MAPK15: variants seen among roughly 807,000 people sequenced by gnomAD.
MAPK15 encodes mitogen-activated protein kinase 15.
Under a neutral mutation model 60.8 loss-of-function variants are expected in MAPK15, and 61 were observed. The observed-to-expected ratio is 1.00, with a 90% confidence interval of 0.82 to 1.24. MAPK15 has a LOEUF of 1.24. Among genes scored for constraint, MAPK15 ranks in the 50% most tolerant of loss-of-function variants. MAPK15 has a pLI of 0.00. For missense variants in MAPK15, 808 were observed against 741.1 expected, an observed-to-expected ratio of 1.09 and a Z score of -1.05; for synonymous variants, 356 against 319.9, an observed-to-expected ratio of 1.11 and a Z score of -1.21.
chr8:143,720,106 G>T lies in MAPK15; in HGVS notation c.722-124G>T. On this transcript the variant is annotated intron_variant, in intron 7 of 13. Coordinates refer to ENST00000338033, the MANE Select transcript of MAPK15 (RefSeq NM_139021.3). The surrounding 1 kb of genome is among the most constrained non-coding windows in gnomAD (Gnocchi z 4.6). ...GTGATGGGGTGTTTGAGCCCCGCCA[G>T]ACAGCAGAAACCCTGTAGAGAGGCT... The T allele has an allele frequency of 7.0e-7, 1 of 1,420,298 alleles. No homozygotes were observed. The highest frequency in any genetic ancestry group is 9.5e-7 in the Non-Finnish European group (1 of 1,052,390). The allele number at this position is 1,420,298 out of a possible 1,614,324, so 88.0% of individuals were successfully genotyped here.
At chr8:143,718,969 C>T (rs1817927094) in intron 5 of MAPK15, 24 bp from the exon 6 acceptor site, 1 of 1,600,900 alleles carries the variant, frequency 6.2e-7, no homozygotes, top group African/African-American at 1.3e-5. Context: ...AGCCCCGGGG[C>T]CTCAGCCTGC....
chr8:143,720,897 A>G lies in MAPK15; in HGVS notation c.917+57A>G. The G allele has an allele frequency of 6.3e-7, 1 of 1,590,772 alleles. No individual in the cohort carries two copies. The highest frequency in any genetic ancestry group is 1.1e-5 in the South Asian group (1 of 89,922). On this transcript the variant is annotated intron_variant, in intron 9 of 13. Coordinates refer to ENST00000338033, the MANE Select transcript of MAPK15 (RefSeq NM_139021.3). The surrounding 1 kb of genome is among the most constrained non-coding windows in gnomAD (Gnocchi z 4.6). The stretch of plus-strand genomic sequence containing the variant: ...GGGGACAGAGGTGGGGGCAGGAGAG[A>G]GCCAGCCCATGAGGGACAGCCCCCA...
chr8:143,718,026 C>T (rs375599746), intron 2 of MAPK15, 21 bp from the exon 3 acceptor site: 3 of 1,614,090 alleles, frequency 1.9e-6, no homozygotes, highest in Admixed American at 1.7e-5. Context: ...CACCCACACA[C>T]CTGTGTTTCT....
In MAPK15 at chr8:143,720,110, G is replaced by T; in HGVS notation, c.722-120G>T. 1 of 1,438,324 alleles carries T rather than the reference G, an allele frequency of 7.0e-7. No homozygotes were observed. Among genetic ancestry groups the T allele is most frequent in the Non-Finnish European group, 9.4e-7 (1 of 1,066,768 alleles). 89.1% of individuals were successfully genotyped at this position (1,438,324 alleles called of 1,614,324 possible). On this transcript the variant is annotated intron_variant, in intron 7 of 13. Transcript: ENST00000338033. This position sits in a 1 kb window ranked among gnomAD's most constrained non-coding sequence, Gnocchi z 4.6. ...TGGGGTGTTTGAGCCCCGCCAGACAGCAGAAACCCTGTAGAGAGGCTGTGC... is the reference window on the plus strand; with the variant it reads ...TGGGGTGTTTGAGCCCCGCCAGACATCAGAAACCCTGTAGAGAGGCTGTGC...
intron 1 of MAPK15, 96 bp downstream of exon 1, chr8:143,716,539 C>A: frequency 9.0e-7 from 1 of 1,114,372 alleles, no homozygotes; most frequent in Non-Finnish European, 1.2e-6. Flanking sequence ...GAGGCCTGTT[C>A]CGTCACACAC....
chr8:143,719,030 A>G lies in MAPK15; in HGVS notation c.455A>G (p.Lys152Arg). The G allele has an allele frequency of 3.1e-6, 5 of 1,604,652 alleles. 1 individual carries two copies. The African/African-American group carries it at 4.0e-5, about 13-fold the overall frequency. ...NVLLDANCTV[K>R]LCDFGLARSL... ...CTCCTGGATGCCAACTGCACAGTGA[A>G]GCTGTGTGACTTTGGCCTGGCCCGC... Residue 152 changes from lysine (K) to arginine (R), a missense_variant, in exon 6 of 14, where the codon AAG becomes AGG. Coordinates refer to ENST00000338033, the MANE Select transcript of MAPK15 (RefSeq NM_139021.3).
At chr8:143,717,311 G>A (rs1390103659) in intron 1 of MAPK15, among the ~76,000 whole-genome samples, 2 of 152,180 alleles carry the variant, frequency 1.3e-5, no homozygotes, top group South Asian at 2.1e-4. Context: ...AGAAGAGACC[G>A]TGGCAGGGGC....
intron 1 of MAPK15, 29 bp downstream of exon 1, chr8:143,716,472 C>T (rs1166421723): frequency 3.2e-6 from 5 of 1,586,156 alleles, no homozygotes; most frequent in Non-Finnish European, 4.3e-6. Flanking sequence ...GTCCGCGCGC[C>T]GAGGGGCGCG....
intron 4 of MAPK15, 52 bp from the exon 5 acceptor site, chr8:143,718,723 G>GGGGGGGC: frequency 3.5e-6 from 1 of 289,852 alleles, no homozygotes. Context: ...ACTCCCCCCA[G>GGGGGGGC]GTTGCCCCCC....
Position 143,717,725 on chromosome 8 carries a change from G to C in MAPK15, c.98G>C (p.Arg33Pro), listed in dbSNP as rs201487703. ...GGCATTGTGTGGAAGGCAGTGGACCGGAGGACTGGTGAGGTCGTGGCCATC... is the reference window on the plus strand; with the variant it reads ...GGCATTGTGTGGAAGGCAGTGGACCCGAGGACTGGTGAGGTCGTGGCCATC... ...AYGIVWKAVD[R>P]RTGEVVAIKK... Residue 33 changes from arginine (R) to proline (P), a missense_variant, in exon 2 of 14, where the codon CGG becomes CCG. Coordinates refer to ENST00000338033, the MANE Select transcript of MAPK15 (RefSeq NM_139021.3). 1.2e-6 allele frequency: 2 copies of C among 1,611,374 alleles called. No individual in the cohort carries two copies. The highest frequency in any genetic ancestry group is 2.7e-5 in the African/African-American group (2 of 74,892).
In MAPK15 at chr8:143,721,057, C is replaced by A. The variant is rs782666864; in HGVS notation, c.975C>A (p.His325Gln). The change falls in exon 10 of 14, where the codon CAC (histidine) becomes CAA (glutamine). Residue 325 changes from histidine (H) to glutamine (Q), a missense_variant. Physicochemically the swap from His to Gln is conservative, Grantham distance 24. Transcript: ENST00000338033. ...AREADVRPRA[H>Q]EGVQLSVPEY... is the part of the protein sequence containing the mutation. ...AGGCAGATGTGCGGCCCCGGGCACA[C>A]GAAGGGGTCCAGCTCTCTGTGCCTG... 9.9e-6 allele frequency: 16 copies of A among 1,612,106 alleles called. No individual in the cohort carries two copies. Among genetic ancestry groups the A allele is most frequent in the Admixed American group, 3.3e-5 (2 of 59,958 alleles).
Position 143,722,214 on chromosome 8 carries a change from T to C in MAPK15, c.1598T>C (p.Leu533Pro). ...QAYGTVCHSA[L>P]GHLPLLEGHH... The stretch of plus-strand genomic sequence containing the variant: ...TACGGGACTGTCTGCCACTCGGCAC[T>C]GGGCCACCTGCCCCTGCTGGAGGGG... Residue 533 changes from leucine (L) to proline (P), a missense_variant, in exon 14 of 14, where the codon CTG becomes CCG. Leu to Pro is a moderately conservative substitution (Grantham distance 98). Coordinates refer to ENST00000338033, the MANE Select transcript of MAPK15 (RefSeq NM_139021.3). The C allele has an allele frequency of 6.2e-7, 1 of 1,601,370 alleles. No homozygotes were observed. The highest frequency in any genetic ancestry group is 1.3e-5 in the African/African-American group (1 of 74,804).
chr8:143,722,246 G>A lies in MAPK15; in HGVS notation c.1630G>A (p.Val544Met). 1 of 1,579,408 alleles carries A rather than the reference G, an allele frequency of 6.3e-7. No homozygotes were observed. The highest frequency in any genetic ancestry group is 8.6e-7 in the Non-Finnish European group (1 of 1,162,842). ...CCTGCCCCTGCTGGAGGGGCACCATGTGTGAGCCGCCCTACTCCCTTCACC... is the reference window on the plus strand; with the variant it reads ...CCTGCCCCTGCTGGAGGGGCACCATATGTGAGCCGCCCTACTCCCTTCACC... ...GHLPLLEGHH[V>M] Residue 544 changes from valine to methionine, a missense_variant, in exon 14 of 14, where the codon GTG (valine) becomes ATG (methionine). By Grantham distance (21) the Val-to-Met change is conservative. Transcript: ENST00000338033.
chr8:143,720,960 T>G lies in MAPK15; in HGVS notation c.918-40T>G. ...TGCTGTGACGGCTTGAGGGGCTCCC[T>G]TGGCCGCAGCCCGGGCCCCACCTCC... On this transcript the variant is annotated intron_variant, in intron 9 of 13. Transcript: ENST00000338033. This position sits in a 1 kb window ranked among gnomAD's most constrained non-coding sequence, Gnocchi z 4.6. 1 of 1,585,238 alleles carries G rather than the reference T, an allele frequency of 6.3e-7. No individual in the cohort carries two copies. Among genetic ancestry groups the G allele is most frequent in the Non-Finnish European group, 8.6e-7 (1 of 1,165,670 alleles).
Position 143,718,284 on chromosome 8 carries a change from C to G in MAPK15, c.268C>G (p.Leu90Val). ...IRAENDRDIY[L>V]VFEFMDTDLN... ...GGCAGAGAACGACAGGGACATTTAC[C>G]TGGTGTTTGAGTTTATGGGTGAGTG... The change falls in exon 4 of 14, where the codon CTG becomes GTG. Residue 90 changes from leucine to valine, a missense_variant. Transcript: ENST00000338033. The G allele has an allele frequency of 6.2e-7, 1 of 1,614,042 alleles. No individual in the cohort carries two copies. The highest frequency in any genetic ancestry group is 8.5e-7 in the Non-Finnish European group (1 of 1,180,024).
Position 143,717,767 on chromosome 8 carries a change from CT to C in MAPK15, c.144del (p.Phe48LeufsTer32). On this transcript the variant is annotated frameshift_variant, in exon 2 of 14. Transcript: ENST00000338033. LOFTEE classifies it high-confidence loss of function. ...EVVAIKKIFD[A>X]FRDKTDAQRT... ...GTGGCCATCAAGAAAATCTTTGATG[CT>C]TTTAGGGATAAGACAGATGCCCAGG... 1 of 1,611,930 alleles carries C rather than the reference CT, an allele frequency of 6.2e-7. No homozygotes were observed. The highest frequency in any genetic ancestry group is 1.1e-5 in the South Asian group (1 of 90,466).
At chr8:143,717,650 A>G in intron 1 of MAPK15, 44 bp from the exon 2 acceptor site, 3 of 1,497,444 alleles carry the variant, frequency 2.0e-6, no homozygotes, top group Non-Finnish European at 2.7e-6. Flanking sequence ...TGGGCAGGGG[A>G]TGGGGGGAAG....
chr8:143,720,508 G>C lies in MAPK15; in HGVS notation c.780-195G>C. On this transcript the variant is annotated intron_variant, in intron 8 of 13. Transcript: ENST00000338033. The surrounding 1 kb of genome is among the most constrained non-coding windows in gnomAD (Gnocchi z 4.6). ...AGGAGCTGTGCCAGGGCGTGGAGAG[G>C]AGGGCACCAGGGGGCCGCAGGGGTC... 2.8e-6 allele frequency: 4 copies of C among 1,452,794 alleles called. No homozygotes were observed. Among genetic ancestry groups the C allele is most frequent in the Non-Finnish European group, 3.6e-6 (4 of 1,100,176 alleles). The allele number at this position is 1,452,794 out of a possible 1,614,324, so 90.0% of individuals were successfully genotyped here.
chr8:143,720,650 C>T lies in MAPK15; in HGVS notation c.780-53C>T. The T allele has an allele frequency of 2.5e-6, 4 of 1,574,168 alleles. No homozygotes were observed. The highest frequency in any genetic ancestry group is 2.3e-5 in the East Asian group (1 of 43,262). On this transcript the variant is annotated intron_variant, in intron 8 of 13. Coordinates refer to ENST00000338033, the MANE Select transcript of MAPK15 (RefSeq NM_139021.3). This position sits in a 1 kb window ranked among gnomAD's most constrained non-coding sequence, Gnocchi z 4.6. ...TGAGCCCCCAGCCACGAACATGGAT[C>T]TGAGGAGGGGCCCTTGGGTCGGGCC...
Sources: allele counts gnomAD v4.1 joint callset (sites outside exome capture counted in the v4.1 genomes callset), GRCh38; gene constraint gnomAD v4.1.1; non-coding constraint Gnocchi (gnomAD v3.1); transcripts MANE v1.5; gene names NCBI Gene and HGNC (gene_info 2026-07-23, HGNC 2026-07-21).